CNTN4: variants seen among roughly 807,000 people sequenced by gnomAD.
CNTN4 encodes the protein contactin 4, also known as contactin-4.
A neutral mutation model predicts 122.5 loss-of-function variants in CNTN4; 77 were observed. That is an observed-to-expected ratio of 0.63 (90% CI 0.52 to 0.76). CNTN4 has a LOEUF of 0.76. CNTN4 is among the 30% of genes least tolerant of loss of function. CNTN4 has a pLI of 0.00. For synonymous variants in CNTN4, 512 were observed against 447.0 expected (o/e 1.15, Z -1.83); for missense variants, 1,256 against 1,259.1 (o/e 1.00, Z 0.04).
chr3:2,170,080 G>T (rs560921094), intron 2 of CNTN4, among the ~76,000 whole-genome samples: 141 of 152,132 alleles, frequency 9.3e-4, no homozygotes, highest in South Asian at 6.9e-3. Flanking sequence ...CCAGCACTTT[G>T]GGAGGCCGAG....
intron 4 of CNTN4, among the ~76,000 whole-genome samples, chr3:2,625,209 G>A (rs1170250125): frequency 1.3e-5 from 2 of 152,148 alleles, no homozygotes; most frequent in South Asian, 2.1e-4. Context: ...CAAAAAGGTA[G>A]TGGGTCTCTA....
At chr3:3,042,949 T>G (rs749816796) in intron 21 of CNTN4, 28 bp from the exon 22 acceptor site, 3 of 1,592,902 alleles carry the variant, frequency 1.9e-6, no homozygotes, top group Non-Finnish European at 2.6e-6. Flanking sequence ...GGGTATGGTT[T>G]CCAAGGTCTT....
At chr3:2,515,160 C>T in intron 3 of CNTN4, among the ~76,000 whole-genome samples, 1 of 152,066 alleles carries the variant, frequency 6.6e-6, no homozygotes, top group East Asian at 1.9e-4. Context: ...ATATACTGCT[C>T]TGTTATATAT....
chr3:2,824,924 A>G (rs1216504632), intron 7 of CNTN4, among the ~76,000 whole-genome samples: 1 of 152,168 alleles, frequency 6.6e-6, no homozygotes, highest in African/African-American at 2.4e-5. Flanking sequence ...TGGCCTCCCA[A>G]AGTGCTGGGA....
At chr3:2,419,055 T>C (rs866210197) in intron 3 of CNTN4, among the ~76,000 whole-genome samples, 7 of 152,174 alleles carry the variant, frequency 4.6e-5, no homozygotes, top group African/African-American at 9.6e-5. Flanking sequence ...GTAAGATTAA[T>C]TGGTAGAAGT....
chr3:2,212,500 G>T (rs1001809857), intron 2 of CNTN4, among the ~76,000 whole-genome samples: 9 of 152,058 alleles, frequency 5.9e-5, no homozygotes, highest in Non-Finnish European at 2.9e-5. Flanking sequence ...GTTTGTGCAG[G>T]GGATCTCCTA....
chr3:2,485,084 C>G (rs995873767), intron 3 of CNTN4, among the ~76,000 whole-genome samples: 1 of 152,226 alleles, frequency 6.6e-6, no homozygotes, highest in African/African-American at 2.4e-5. Flanking sequence ...CCGGGTCCCC[C>G]AGCAGTGCCG....
chr3:2,287,440 A>G (rs1023847153), intron 2 of CNTN4, among the ~76,000 whole-genome samples: 1 of 151,828 alleles, frequency 6.6e-6, no homozygotes, highest in Non-Finnish European at 1.5e-5. Context: ...CATCTCTACA[A>G]AAATCACCAA....
At chr3:2,259,414 G>A (rs923514224) in intron 2 of CNTN4, among the ~76,000 whole-genome samples, 4 of 152,114 alleles carry the variant, frequency 2.6e-5, no homozygotes, top group Non-Finnish European at 4.4e-5. Flanking sequence ...AATGTTAAGT[G>A]CCAAAGGCAA....
intron 3 of CNTN4, among the ~76,000 whole-genome samples, chr3:2,553,795 C>A (rs1391394823): frequency 6.6e-6 from 1 of 152,132 alleles, no homozygotes; most frequent in Non-Finnish European, 1.5e-5. Flanking sequence ...TGAATTATTT[C>A]TTTTCATTTC....
chr3:2,222,458 A>G (rs1281459582), intron 2 of CNTN4, among the ~76,000 whole-genome samples: 1 of 152,148 alleles, frequency 6.6e-6, no homozygotes, highest in African/African-American at 2.4e-5. Flanking sequence ...ATTTTTGTGA[A>G]GATGAAAATG....
At chr3:2,661,331 A>G (rs2083880226) in intron 4 of CNTN4, among the ~76,000 whole-genome samples, 1 of 152,170 alleles carries the variant, frequency 6.6e-6, no homozygotes, top group African/African-American at 2.4e-5. Flanking sequence ...TGAATACTTA[A>G]GTTGACCCTG....
chr3:2,378,442 A>G (rs960934004), intron 3 of CNTN4, among the ~76,000 whole-genome samples: 9 of 152,292 alleles, frequency 5.9e-5, no homozygotes, highest in African/African-American at 1.9e-4. Context: ...GGCCATGCAC[A>G]GGGGACTGGG....
chr3:2,711,646 T>G (rs2087158582), intron 4 of CNTN4, among the ~76,000 whole-genome samples: 1 of 152,276 alleles, frequency 6.6e-6, no homozygotes, highest in Admixed American at 6.5e-5. Flanking sequence ...GCAGAGAGGA[T>G]TAACATGGCA....
At chr3:2,105,189 T>G (rs2032330936) in intron 2 of CNTN4, among the ~76,000 whole-genome samples, 1 of 152,170 alleles carries the variant, frequency 6.6e-6, no homozygotes, top group African/African-American at 2.4e-5. Flanking sequence ...GGCCTGCCAC[T>G]GCTGCAGCTG....
At chr3:2,846,757 G>A (rs2093463234) in intron 7 of CNTN4, among the ~76,000 whole-genome samples, 1 of 152,108 alleles carries the variant, frequency 6.6e-6, no homozygotes, top group South Asian at 2.1e-4. Context: ...TATTACTAGG[G>A]AGGCCGAGGC....
chr3:2,516,661 T>C (rs7625221), intron 3 of CNTN4, among the ~76,000 whole-genome samples: 9,234 of 152,220 alleles, frequency 0.061, 787 homozygotes, highest in African/African-American at 0.19. Flanking sequence ...TCTGCATTTT[T>C]GCATGAAATT....
chr3:2,416,729 C>G (rs561894898), intron 3 of CNTN4, among the ~76,000 whole-genome samples: 383 of 152,076 alleles, frequency 2.5e-3, no homozygotes, highest in African/African-American at 8.6e-3. Flanking sequence ...TCTCAGCTCA[C>G]TGCAAGCTCT....
chr3:2,943,627 TA>T (rs1257136549), intron 13 of CNTN4, among the ~76,000 whole-genome samples: 10,976 of 69,892 alleles, frequency 0.16, 485 homozygotes, highest in Middle Eastern at 0.24. Context: ...TATATATATA[TA>T]TATTTTTTTT....
Sources: gnomAD v4.1 joint callset for allele counts (sites outside exome capture counted in the v4.1 genomes callset) on GRCh38, gnomAD v4.1.1 for gene constraint, MANE v1.5 for transcripts, NCBI Gene and HGNC (gene_info 2026-07-23, HGNC 2026-07-21) for gene names.